The following FARP1 variants were observed in gnomAD, a reference collection of about 807,000 sequenced individuals.
FARP1 encodes FERM, ARH/RhoGEF and pleckstrin domain protein 1.
In FARP1, 52 loss-of-function variants were observed where a neutral mutation model predicts 128.8. That is an observed-to-expected ratio of 0.40 (90% CI 0.32 to 0.51). The LOEUF (loss-of-function observed/expected upper bound fraction) is 0.51. Among genes scored for constraint, FARP1 ranks in the 20% least tolerant of loss-of-function variants. FARP1 has a pLI of 0.45. For missense variants in FARP1, 1,333 were observed against 1,367.9 expected (o/e 0.97, Z 0.40); for synonymous variants, 580 against 551.8 (o/e 1.05, Z -0.72).
intron 2 of FARP1, among the ~76,000 whole-genome samples, chr13:98,220,770 A>G (rs1234049433): frequency 1.3e-5 from 2 of 152,134 alleles, no homozygotes; most frequent in Admixed American, 1.3e-4. Flanking sequence ...CACCCCTTTC[A>G]GCTGTAGTTA....
chr13:98,261,231 C>A (rs185934108), intron 2 of FARP1, among the ~76,000 whole-genome samples: 2 of 152,050 alleles, frequency 1.3e-5, no homozygotes, highest in African/African-American at 2.4e-5. Flanking sequence ...AGGAGATGCC[C>A]GGGCCAGGCT....
intron 3 of FARP1, among the ~76,000 whole-genome samples, chr13:98,353,851 T>C (rs551812287): frequency 2.6e-5 from 4 of 151,130 alleles, no homozygotes; most frequent in African/African-American, 9.7e-5. Flanking sequence ...GTAGATCTCA[T>C]GTTAACTCTT....
chr13:98,156,232 T>C (rs1238706250), intron 1 of FARP1, among the ~76,000 whole-genome samples: 1 of 152,240 alleles, frequency 6.6e-6, no homozygotes, highest in African/African-American at 2.4e-5. Flanking sequence ...AGATAACGTA[T>C]AAAAACATAC....
chr13:98,287,310 A>G (rs1008945759), intron 2 of FARP1, among the ~76,000 whole-genome samples: 28 of 137,804 alleles, frequency 2.0e-4, no homozygotes, highest in Non-Finnish European at 9.1e-5. Context: ...GGCCACTGCA[A>G]CCTTCTCCTC....
intron 4 of FARP1, 106 bp from the exon 5 acceptor site, chr13:98,368,011 C>T: frequency 1.2e-6 from 1 of 835,634 alleles, no homozygotes; most frequent in South Asian, 1.7e-5. Context: ...GTGCACTTGG[C>T]AGCTTGGAAT....
In FARP1 at chr13:98,451,526, GCACTAGCAAACCGA is replaced by G. The variant is rs1246979783; in HGVS notation, c.*3213_*3226del. On this transcript the variant is annotated 3_prime_UTR_variant, in exon 27 of 27. Transcript: ENST00000319562. The stretch of plus-strand genomic sequence containing the variant: ...AATTTTAGAGCTTAAAAACCAGACT[GCACTAGCAAACCGA>G]CACAATAACCCACTCAAGCATCTGT... 6.6e-6 allele frequency: 1 copy of G among 152,052 alleles called. No homozygotes were observed. The highest frequency in any genetic ancestry group is 1.5e-5 in the Non-Finnish European group (1 of 68,030). The allele number at this position is 152,052 out of a possible 1,614,324, so 9.4% of individuals were successfully genotyped here. A position where few individuals can be genotyped will look rare whatever the true frequency, so the allele number is the denominator to read the frequency against.
At chr13:98,447,966 C>T (rs1892959523) in intron 26 of FARP1, 1 of 493,692 alleles carries the variant, frequency 2.0e-6, no homozygotes, top group African/African-American at 2.0e-5. Flanking sequence ...CAACCAGAGG[C>T]CACCTCGCTC....
intron 2 of FARP1, among the ~76,000 whole-genome samples, chr13:98,236,243 G>A (rs1882412369): frequency 6.6e-6 from 1 of 152,088 alleles, no homozygotes; most frequent in African/African-American, 2.4e-5. Context: ...TTTGTAGCCG[G>A]GAAAAAGTGA....
At chr13:98,420,649 G>A (rs570550236) in intron 16 of FARP1, among the ~76,000 whole-genome samples, 16 of 152,330 alleles carry the variant, frequency 1.1e-4, no homozygotes, top group Middle Eastern at 6.8e-3. Context: ...GTTTTCCTAA[G>A]TGAAATTGTC....
rs1418989189 is a variant in FARP1 at position 98,296,247 on chromosome 13, G to C, written c.172-47515G>C. On this transcript the variant is annotated intron_variant, in intron 2 of 26. Coordinates refer to ENST00000319562, the MANE Select transcript of FARP1 (RefSeq NM_005766.4). ...GGGAAGACCTTCGTGGATTAGGCTCGTCACCTTCTCCAGCCTCACCGCCAT... is the reference window on the plus strand; with the variant it reads ...GGGAAGACCTTCGTGGATTAGGCTCCTCACCTTCTCCAGCCTCACCGCCAT... 2.6e-5 allele frequency among the ~76,000 whole-genome samples: 4 copies of C among 152,122 alleles called. No individual in the cohort carries two copies. The South Asian group carries it at 6.2e-4, about 24-fold the overall frequency.
chr13:98,436,446 T>A (rs188391503), intron 19 of FARP1, among the ~76,000 whole-genome samples: 1 of 152,232 alleles, frequency 6.6e-6, no homozygotes, highest in African/African-American at 2.4e-5. Flanking sequence ...CTTTACCCTG[T>A]GGCGCCCCCA....
intron 2 of FARP1, among the ~76,000 whole-genome samples, chr13:98,308,008 C>G (rs1281246619): frequency 9.5e-6 from 1 of 105,628 alleles, no homozygotes; most frequent in Non-Finnish European, 2.1e-5. Flanking sequence ...CTGCCTGCCC[C>G]CCTCCGCCCG....
At chr13:98,369,540 A>G (rs896690137) in intron 5 of FARP1, among the ~76,000 whole-genome samples, 2 of 146,544 alleles carry the variant, frequency 1.4e-5, no homozygotes, top group African/African-American at 2.5e-5. Flanking sequence ...AACAGTCCCC[A>G]GAGTGTGATG....
chr13:98,426,660 G>GT (rs936978258), intron 17 of FARP1, among the ~76,000 whole-genome samples: 34 of 152,230 alleles, frequency 2.2e-4, no homozygotes, highest in African/African-American at 7.0e-4. Context: ...GTATTGTTTT[G>GT]TTTTTTCACT....
At chr13:98,303,015 G>A (rs1468199692) in intron 2 of FARP1, among the ~76,000 whole-genome samples, 1 of 152,156 alleles carries the variant, frequency 6.6e-6, no homozygotes, top group Non-Finnish European at 1.5e-5. Context: ...GGCCCACTCT[G>A]TATGTAGCAG....
intron 2 of FARP1, among the ~76,000 whole-genome samples, chr13:98,279,519 T>A (rs1340537515): frequency 6.6e-6 from 1 of 152,246 alleles, no homozygotes; most frequent in Non-Finnish European, 1.5e-5. Context: ...CAGTAGCCAC[T>A]GGAAATGTGG....
At chr13:98,256,806 C>G (rs552122906) in intron 2 of FARP1, among the ~76,000 whole-genome samples, 1 of 149,348 alleles carries the variant, frequency 6.7e-6, no homozygotes, top group East Asian at 2.0e-4. Context: ...GTGATCCACC[C>G]GCCTCAGCCT....
At chr13:98,316,702 T>TA (rs1256744873) in intron 2 of FARP1, among the ~76,000 whole-genome samples, 3 of 152,236 alleles carry the variant, frequency 2.0e-5, no homozygotes. Context: ...AGCATGTGTA[T>TA]AGCTTTACCC....
At chr13:98,331,876 G>A (rs1887523361) in intron 2 of FARP1, 1 of 152,068 alleles carries the variant, frequency 6.6e-6, no homozygotes, top group Admixed American at 6.6e-5. Context: ...ATCTCCCACA[G>A]TTTTGCGCCT....
Sources: gnomAD v4.1 joint callset for allele counts (sites outside exome capture counted in the v4.1 genomes callset) on GRCh38, gnomAD v4.1.1 for gene constraint, MANE v1.5 for transcripts, NCBI Gene and HGNC (gene_info 2026-07-23, HGNC 2026-07-21) for gene names.